The following ZNF385D variants were observed in gnomAD, a reference collection of about 807,000 sequenced individuals.
The protein encoded by ZNF385D is zinc finger protein 659.
Under a neutral mutation model 35.8 loss-of-function variants are expected in ZNF385D, and 15 were observed. That is an observed-to-expected ratio of 0.42 (90% confidence interval 0.28 to 0.64). ZNF385D has a LOEUF of 0.64. Ranked by LOEUF, ZNF385D falls within the 30% of genes least tolerant of loss-of-function variation. The pLI, the probability that ZNF385D is intolerant of heterozygous loss-of-function variation, is 0.23. For synonymous variants in ZNF385D, 212 were observed against 186.8 expected, an observed-to-expected ratio of 1.13 and a Z score of -1.10; for missense variants, 474 against 494.6, an observed-to-expected ratio of 0.96 and a Z score of 0.39.
At chr3:22,331,614 G>A (rs1003978137) in intron 2 of ZNF385D, among the ~76,000 whole-genome samples, 22 of 152,098 alleles carry the variant, frequency 1.4e-4, no homozygotes, top group Non-Finnish European at 1.6e-4. Context: ...GATGGCCTAA[G>A]CAATTCAAAA....
intron 3 of ZNF385D, among the ~76,000 whole-genome samples, chr3:22,083,394 T>C (rs749841797): frequency 6.6e-6 from 1 of 152,138 alleles, no homozygotes; most frequent in Non-Finnish European, 1.5e-5. Flanking sequence ...TTAAATGACC[T>C]GATGGAGCTG....
In ZNF385D at chr3:22,001,130, A is replaced by G. The variant is rs966946376; in HGVS notation, c.325+167687T>C. On this transcript the variant is annotated intron_variant, in intron 3 of 5. Coordinates refer to the ZNF385D transcript ENST00000494108. ...GAAAGCAATTAACAAAAGGATAGGA[A>G]TAAGTCCTCACCTACCAATAATCGT... Among the ~76,000 whole-genome samples, 3 of 152,110 alleles carry G rather than the reference A, an allele frequency of 2.0e-5. No homozygotes were observed. In the East Asian group the frequency reaches 5.8e-4, roughly 29 times the overall value.
At chr3:21,643,188 C>T (rs2065656058) in intron 2 of ZNF385D, among the ~76,000 whole-genome samples, 1 of 152,050 alleles carries the variant, frequency 6.6e-6, no homozygotes, top group Non-Finnish European at 1.5e-5. Context: ...GTGTATAAAA[C>T]CTCCATCATA....
chr3:22,043,483 T>C (rs948452151), intron 3 of ZNF385D, among the ~76,000 whole-genome samples: 6 of 152,104 alleles, frequency 3.9e-5, no homozygotes, highest in African/African-American at 1.2e-4. Context: ...AATTTATTTA[T>C]GTAAACATAT....
chr3:22,028,384 G>C (rs567206388), intron 3 of ZNF385D, among the ~76,000 whole-genome samples: 1 of 152,142 alleles, frequency 6.6e-6, no homozygotes, highest in Non-Finnish European at 1.5e-5. Context: ...GTTACGCATG[G>C]GCTCAGCAAC....
At chr3:21,665,108 A>G (rs2066365423) in intron 1 of ZNF385D, 80 bp from the exon 2 acceptor site, 1 of 1,474,462 alleles carries the variant, frequency 6.8e-7, no homozygotes, top group East Asian at 2.4e-5. Flanking sequence ...GAGACAAAAA[A>G]GGCCAGCTTT....
chr3:22,075,668 T>C (rs1272911851), intron 3 of ZNF385D, among the ~76,000 whole-genome samples: 2 of 151,938 alleles, frequency 1.3e-5, no homozygotes, highest in Admixed American at 6.6e-5. Flanking sequence ...CTTTTCTTTC[T>C]TGTACTTTCT....
Position 22,074,493 on chromosome 3 carries a change from T to C in ZNF385D, c.325+94324A>G, listed in dbSNP as rs971900372. On this transcript the variant is annotated intron_variant, in intron 3 of 5. Transcript: ENST00000494108. ...GATAGTTGAACATGAATCTTGCATATTGGTTACTTCTGATTATCATAAGAG... is the reference window on the plus strand; with the variant it reads ...GATAGTTGAACATGAATCTTGCATACTGGTTACTTCTGATTATCATAAGAG... Among the ~76,000 whole-genome samples, 3 of 152,058 alleles carry C rather than the reference T, an allele frequency of 2.0e-5. No individual in the cohort carries two copies. In the East Asian group the frequency reaches 5.8e-4, roughly 29 times the overall value.
intron 3 of ZNF385D, among the ~76,000 whole-genome samples, chr3:22,018,430 T>G (rs1697019111): frequency 6.6e-6 from 1 of 151,972 alleles, no homozygotes; most frequent in South Asian, 2.1e-4. Context: ...TTTTCACATG[T>G]ACCTTCAAAG....
intron 2 of ZNF385D, among the ~76,000 whole-genome samples, chr3:22,314,730 C>A (rs1044881355): frequency 2.0e-5 from 3 of 152,042 alleles, no homozygotes; most frequent in African/African-American, 7.2e-5. Flanking sequence ...AATGCATGCT[C>A]TAGTTTAAGT....
intron 3 of ZNF385D, among the ~76,000 whole-genome samples, chr3:22,013,080 A>T (rs1294615800): frequency 6.6e-6 from 1 of 152,162 alleles, no homozygotes; most frequent in Non-Finnish European, 1.5e-5. Context: ...ATAAGCTCAA[A>T]CAGAATGTAA....
intron 3 of ZNF385D, among the ~76,000 whole-genome samples, chr3:22,039,223 A>G (rs552875476): frequency 4.0e-5 from 6 of 150,564 alleles, no homozygotes; most frequent in African/African-American, 1.5e-4. Context: ...ACTAGTAACA[A>G]TAAACACTGT....
intron 3 of ZNF385D, among the ~76,000 whole-genome samples, chr3:21,791,503 G>A (rs2071924999): frequency 6.6e-6 from 1 of 152,170 alleles, no homozygotes; most frequent in Non-Finnish European, 1.5e-5. Context: ...TCCCCAAGAA[G>A]AAATCTGGCT....
intron 3 of ZNF385D, among the ~76,000 whole-genome samples, chr3:21,788,158 G>A (rs537276054): frequency 1.3e-5 from 2 of 152,220 alleles, no homozygotes; most frequent in East Asian, 1.9e-4. Flanking sequence ...TAAGTTAAAG[G>A]TATCTTCCAT....
chr3:21,625,010 A>G (rs2065097793), intron 2 of ZNF385D, among the ~76,000 whole-genome samples: 1 of 152,086 alleles, frequency 6.6e-6, no homozygotes. Flanking sequence ...AAATATTCTC[A>G]TAATATACCT....
intron 3 of ZNF385D, among the ~76,000 whole-genome samples, chr3:22,028,963 T>C (rs896846932): frequency 3.9e-5 from 6 of 152,166 alleles, no homozygotes; most frequent in African/African-American, 1.2e-4. Flanking sequence ...TAGCCATGAT[T>C]CATGGGTCCA....
chr3:22,167,540 C>A (rs1307693639), intron 3 of ZNF385D, among the ~76,000 whole-genome samples: 2 of 152,114 alleles, frequency 1.3e-5, no homozygotes, highest in Non-Finnish European at 2.9e-5. Flanking sequence ...CAGGACCCAC[C>A]AATCATGGGT....
intron 2 of ZNF385D, among the ~76,000 whole-genome samples, chr3:22,259,769 T>G (rs565935777): frequency 6.6e-6 from 1 of 152,000 alleles, no homozygotes; most frequent in East Asian, 1.9e-4. Flanking sequence ...TGCTTTGTAC[T>G]AAGGCACCAG....
At chr3:21,941,831 A>C (rs893852519) in intron 3 of ZNF385D, among the ~76,000 whole-genome samples, 1 of 152,030 alleles carries the variant, frequency 6.6e-6, no homozygotes, top group African/African-American at 2.4e-5. Flanking sequence ...ACCTCATTCT[A>C]CAATTAATTT....
Sources: gnomAD v4.1 joint callset for allele counts (sites outside exome capture counted in the v4.1 genomes callset) on GRCh38, gnomAD v4.1.1 for gene constraint, MANE v1.5 for transcripts, NCBI Gene and HGNC (gene_info 2026-07-23, HGNC 2026-07-21) for gene names.